PDE10A: variants seen among roughly 807,000 people sequenced by gnomAD.
The protein encoded by PDE10A is cAMP and cAMP-inhibited cGMP 3',5'-cyclic phosphodiesterase 10A.
In PDE10A, 39 loss-of-function variants were observed where a neutral mutation model predicts 97.7. That is an observed-to-expected ratio of 0.40 (90% CI 0.31 to 0.52). The LOEUF (loss-of-function observed/expected upper bound fraction) is 0.52. Ranked by LOEUF, PDE10A falls within the 20% of genes least tolerant of loss-of-function variation. The pLI is 0.56. For missense variants in PDE10A, 731 were observed against 1,047.8 expected (o/e 0.70, Z 4.17); for synonymous variants, 371 against 376.8 (o/e 0.98, Z 0.18).
intron 1 of PDE10A, among the ~76,000 whole-genome samples, chr6:165,836,066 C>T (rs1177377496): frequency 2.6e-5 from 4 of 152,158 alleles, no homozygotes; most frequent in African/African-American, 4.8e-5. Flanking sequence ...AAAACGCTTT[C>T]GCTGTTTTCT....
In PDE10A at chr6:165,825,928, T is replaced by C. The variant is rs56398869; in HGVS notation, c.-615+161601A>G. Among the ~76,000 whole-genome samples the C allele has an allele frequency of 7.3e-3, 1,107 of 152,316 alleles. 12 individuals are homozygous for C. The highest frequency in any genetic ancestry group is 0.026 in the African/African-American group (1,069 of 41,572). ...TAATGATGAGAAACTCCCTTTTTTTTCTCAGAGATCCTAAAATATTACAGT... is the reference window on the plus strand; with the variant it reads ...TAATGATGAGAAACTCCCTTTTTTTCCTCAGAGATCCTAAAATATTACAGT... On this transcript the variant is annotated intron_variant, in intron 1 of 19. Coordinates refer to the PDE10A transcript ENST00000366882.
chr6:165,947,704 C>T (rs1000414905), intron 1 of PDE10A, among the ~76,000 whole-genome samples: 1 of 152,108 alleles, frequency 6.6e-6, no homozygotes, highest in Non-Finnish European at 1.5e-5. Context: ...TTTATTGATT[C>T]AATGTGCATT....
intron 2 of PDE10A, among the ~76,000 whole-genome samples, chr6:165,515,187 T>A (rs900262805): frequency 3.3e-5 from 5 of 152,204 alleles, no homozygotes; most frequent in Non-Finnish European, 5.9e-5. Context: ...TGACAGCCCA[T>A]GACATTTGTA....
chr6:165,333,694 G>A (rs536663173), intron 21 of PDE10A, among the ~76,000 whole-genome samples: 29 of 152,322 alleles, frequency 1.9e-4, no homozygotes, highest in African/African-American at 6.7e-4. Context: ...GCTCTGGTAA[G>A]TCCTCACCCG....
At chr6:165,480,082 T>C (rs191295215) in intron 3 of PDE10A, among the ~76,000 whole-genome samples, 67 of 152,312 alleles carry the variant, frequency 4.4e-4, no homozygotes, top group Non-Finnish European at 9.0e-4. Flanking sequence ...GATATATTAA[T>C]AATATATAGT....
chr6:165,934,350 T>C (rs1045416514), intron 1 of PDE10A, among the ~76,000 whole-genome samples: 2 of 151,958 alleles, frequency 1.3e-5, no homozygotes, highest in Admixed American at 6.6e-5. Context: ...CAGAGATCTT[T>C]AGCTGCACCA....
At chr6:165,922,848 C>T (rs1034083912) in intron 1 of PDE10A, among the ~76,000 whole-genome samples, 6 of 152,182 alleles carry the variant, frequency 3.9e-5, no homozygotes, top group Non-Finnish European at 8.8e-5. Context: ...AGGGTTCTGT[C>T]AGGGTTGCAT....
At chr6:165,334,366 C>T (rs986836831) in intron 21 of PDE10A, among the ~76,000 whole-genome samples, 15 of 149,070 alleles carry the variant, frequency 1.0e-4, no homozygotes, top group African/African-American at 3.6e-4. Flanking sequence ...CACGCGCCTC[C>T]ATAGCGCCCT....
intron 1 of PDE10A, among the ~76,000 whole-genome samples, chr6:165,567,734 T>C (rs1784843292): frequency 6.6e-6 from 1 of 152,166 alleles, no homozygotes; most frequent in African/African-American, 2.4e-5. Context: ...ATAAGGATAA[T>C]GGGGTTCGAA....
At chr6:165,450,198 A>C (rs753312230) in intron 4 of PDE10A, 44 bp downstream of exon 4, 52 of 1,302,142 alleles carry the variant, frequency 4.0e-5, no homozygotes, top group Non-Finnish European at 5.1e-5. Context: ...TTGTAAAAGA[A>C]TCTTTGCCCA....
intron 18 of PDE10A, among the ~76,000 whole-genome samples, chr6:165,345,311 G>A (rs1463547921): frequency 1.3e-5 from 2 of 152,076 alleles, no homozygotes; most frequent in Non-Finnish European, 2.9e-5. Flanking sequence ...GGACTGAAAA[G>A]ATTATAAAAC....
chr6:165,878,415 G>A (rs959291006), intron 1 of PDE10A, among the ~76,000 whole-genome samples: 7 of 152,206 alleles, frequency 4.6e-5, no homozygotes, highest in African/African-American at 1.4e-4. Flanking sequence ...CAGTAAACAA[G>A]TAAAAGCATC....
At chr6:165,921,053 G>C (rs958163642) in intron 1 of PDE10A, among the ~76,000 whole-genome samples, 4 of 152,200 alleles carry the variant, frequency 2.6e-5, no homozygotes, top group African/African-American at 9.7e-5. Context: ...GGAAATAGGA[G>C]GAGCTGGTTG....
At chr6:165,429,216 C>A (rs1454970711) in intron 9 of PDE10A, among the ~76,000 whole-genome samples, 1 of 151,980 alleles carries the variant, frequency 6.6e-6, no homozygotes, top group African/African-American at 2.4e-5. Context: ...TGCTATGGAT[C>A]TAATGACTTT....
At position 165,331,246 on chromosome 6, in the gene PDE10A, C is replaced by T. The variant is rs1357270628; in HGVS notation, c.*1779G>A. On this transcript the variant is annotated 3_prime_UTR_variant, in exon 22 of 22. Coordinates refer to ENST00000539869, the MANE Select transcript of PDE10A (RefSeq NM_001385079.1). ...TATATATGTGTGTGTATATATCTAG[C>T]CACAGTGGTACTTCTCTCTCTTTTG... 1 of 152,026 alleles carries T rather than the reference C, an allele frequency of 6.6e-6. No homozygotes were observed. The highest frequency in any genetic ancestry group is 6.5e-5 in the Admixed American group (1 of 15,272). 9.4% of individuals were successfully genotyped at this position (152,026 alleles called of 1,614,324 possible).
chr6:165,398,777 G>A (rs1485511475), intron 13 of PDE10A, among the ~76,000 whole-genome samples: 1 of 151,930 alleles, frequency 6.6e-6, no homozygotes, highest in African/African-American at 2.4e-5. Context: ...GAAAAAAAGG[G>A]GGAATAAAGA....
chr6:165,615,118 G>C (rs897940087), intron 1 of PDE10A, among the ~76,000 whole-genome samples: 1 of 151,284 alleles, frequency 6.6e-6, no homozygotes, highest in Non-Finnish European at 1.5e-5. Flanking sequence ...GCTGAGGCAG[G>C]AGAATTGCTT....
intron 10 of PDE10A, among the ~76,000 whole-genome samples, chr6:165,419,696 A>G (rs776777574): frequency 1.6e-4 from 25 of 152,152 alleles, no homozygotes; most frequent in Non-Finnish European, 3.4e-4. Flanking sequence ...CTACAGCTGC[A>G]CCATTAATAC....
At chr6:165,634,103 G>A (rs757048117) in intron 1 of PDE10A, among the ~76,000 whole-genome samples, 8 of 152,172 alleles carry the variant, frequency 5.3e-5, no homozygotes, top group Non-Finnish European at 1.0e-4. Flanking sequence ...CTCCCTCACG[G>A]CTTCTGTTTC....
Sources: allele counts gnomAD v4.1 joint callset (sites outside exome capture counted in the v4.1 genomes callset), GRCh38; gene constraint gnomAD v4.1.1; transcripts MANE v1.5; gene names NCBI Gene and HGNC (gene_info 2026-07-23, HGNC 2026-07-21).